MAP4K3: variants seen among roughly 807,000 people sequenced by gnomAD.
MAP4K3 encodes the protein mitogen-activated protein kinase kinase kinase kinase 3.
MAP4K3 carries 94 observed loss-of-function variants against 143.5 expected under a neutral mutation model. The observed-to-expected ratio is 0.65, with a 90% CI of 0.55 to 0.78. MAP4K3 has a LOEUF of 0.78. MAP4K3 is among the 30% of genes least tolerant of loss of function. The pLI is 0.00. For synonymous variants in MAP4K3, 416 were observed against 347.2 expected (o/e 1.20, Z -2.20); for missense variants, 1,077 against 1,068.1 (o/e 1.01, Z -0.12).
intron 1 of MAP4K3, among the ~76,000 whole-genome samples, chr2:39,410,215 G>A (rs1236338536): frequency 6.6e-6 from 1 of 152,118 alleles, no homozygotes; most frequent in African/African-American, 2.4e-5. Context: ...TTCTAGTTCA[G>A]CAACAGGCCA....
At chr2:39,355,898 C>T (rs1466204015) in intron 3 of MAP4K3, among the ~76,000 whole-genome samples, 1 of 152,118 alleles carries the variant, frequency 6.6e-6, no homozygotes, top group East Asian at 1.9e-4. Context: ...TTTTGATAAA[C>T]ACATAGCTGG....
intron 8 of MAP4K3, among the ~76,000 whole-genome samples, chr2:39,330,832 T>C (rs1225713840): frequency 3.3e-5 from 5 of 152,206 alleles, no homozygotes; most frequent in African/African-American, 1.2e-4. Context: ...AATGAAATTA[T>C]TAAAATCAGG....
rs1251750140 is a variant in MAP4K3 at position 39,309,450 on chromosome 2, A to T, written c.1056+11T>A. 1.3e-6 allele frequency: 2 copies of T among 1,569,598 alleles called. No homozygotes were observed. Among genetic ancestry groups the T allele is most frequent in the Non-Finnish European group, 1.7e-6 (2 of 1,153,166 alleles). On this transcript the variant is annotated intron_variant, in intron 14 of 33. Transcript: ENST00000263881. The stretch of plus-strand genomic sequence containing the variant: ...TTTTCAGTGCTAACATTCTAAGGCT[A>T]TACTACTTACAAGTTCATGATGTGG...
chr2:39,383,673 T>G (rs1666412186), intron 1 of MAP4K3, among the ~76,000 whole-genome samples: 1 of 152,036 alleles, frequency 6.6e-6, no homozygotes, highest in Admixed American at 6.6e-5. Flanking sequence ...CTTAAACAAC[T>G]GAACATTTAT....
chr2:39,278,993 TA>T (rs1216036952), intron 23 of MAP4K3, among the ~76,000 whole-genome samples: 2 of 152,212 alleles, frequency 1.3e-5, no homozygotes, highest in Non-Finnish European at 2.9e-5. Context: ...CAGTATCTTC[TA>T]AAAGATATGA....
At chr2:39,387,531 G>C (rs1666538315) in intron 1 of MAP4K3, among the ~76,000 whole-genome samples, 1 of 152,184 alleles carries the variant, frequency 6.6e-6, no homozygotes, top group Non-Finnish European at 1.5e-5. Flanking sequence ...TTTGAAACTG[G>C]AAATACTGAG....
At chr2:39,260,490 T>C (rs1261617440) in intron 29 of MAP4K3, 116 bp downstream of exon 29, 3 of 744,372 alleles carry the variant, frequency 4.0e-6, no homozygotes, top group African/African-American at 3.6e-5. Flanking sequence ...AGTTTAATAA[T>C]AGTTATTGAA....
intron 15 of MAP4K3, among the ~76,000 whole-genome samples, chr2:39,302,892 A>C (rs1299612667): frequency 1.3e-5 from 2 of 152,238 alleles, no homozygotes; most frequent in African/African-American, 4.8e-5. Flanking sequence ...TCAGCAGTTC[A>C]TTTTAGCGAA....
chr2:39,272,047 T>C (rs1681047619), intron 26 of MAP4K3: 4 of 347,560 alleles, frequency 1.2e-5, no homozygotes, highest in Non-Finnish European at 2.1e-5. Flanking sequence ...GTTTTAAACT[T>C]GCAGAAAAAG....
In MAP4K3 at chr2:39,392,183, C is replaced by CAAAAAAAAA. The variant is rs3086434; in HGVS notation, c.97-14069_97-14061dup. ...CTGGCAACAGAACGACACTCCTACT[C>CAAAAAAAAA]AAAAAAAAAAAAAAAAAAAAAATTA... On this transcript the variant is annotated intron_variant, in intron 1 of 33. Transcript: ENST00000263881. Among the ~76,000 whole-genome samples the CAAAAAAAAA allele has an allele frequency of 5.9e-3, 408 of 68,964 alleles. 21 individuals carry two copies. The highest frequency in any genetic ancestry group is 0.02 in the African/African-American group (356 of 17,398). The allele number at this position is 68,964 out of a possible 152,430, so 45.2% of individuals were successfully genotyped here.
At chr2:39,325,483 T>A in intron 12 of MAP4K3, 35 bp downstream of exon 12, 1 of 1,365,248 alleles carries the variant, frequency 7.3e-7, no homozygotes, top group East Asian at 2.3e-5. Flanking sequence ...CACATATACA[T>A]GTTATATATG....
At chr2:39,380,897 G>A (rs1415028124) in intron 1 of MAP4K3, among the ~76,000 whole-genome samples, 2 of 152,106 alleles carry the variant, frequency 1.3e-5, no homozygotes, top group African/African-American at 2.4e-5. Flanking sequence ...TCAGAGTTAT[G>A]TAACTATACT....
At chr2:39,383,911 C>G (rs1666418275) in intron 1 of MAP4K3, among the ~76,000 whole-genome samples, 1 of 151,978 alleles carries the variant, frequency 6.6e-6, no homozygotes. Flanking sequence ...TCAAGACCAG[C>G]CTGGGAAACA....
intron 1 of MAP4K3, among the ~76,000 whole-genome samples, chr2:39,415,746 GT>G (rs1667351796): frequency 6.6e-6 from 1 of 151,188 alleles, no homozygotes; most frequent in South Asian, 2.1e-4. Context: ...GAGGTCAGGA[GT>G]TCGAGACCAG....
At chr2:39,337,442 C>T in intron 5 of MAP4K3, 84 bp downstream of exon 5, 1 of 932,938 alleles carries the variant, frequency 1.1e-6, no homozygotes, top group Non-Finnish European at 1.7e-6. Flanking sequence ...ATATTTAGTT[C>T]TTACTTTGCT....
chr2:39,394,942 A>G (rs1418591438), intron 1 of MAP4K3, among the ~76,000 whole-genome samples: 1 of 152,230 alleles, frequency 6.6e-6, no homozygotes, highest in East Asian at 1.9e-4. Flanking sequence ...GACTCTAATT[A>G]TTCTTCCAGA....
At chr2:39,382,513 A>G (rs1666380199) in intron 1 of MAP4K3, among the ~76,000 whole-genome samples, 2 of 152,250 alleles carry the variant, frequency 1.3e-5, no homozygotes, top group Admixed American at 6.5e-5. Context: ...CCACAATTTA[A>G]TAACATGAAG....
chr2:39,314,276 C>T lies in MAP4K3; in HGVS notation c.997+1034G>A, dbSNP rs185914728. The stretch of plus-strand genomic sequence containing the variant: ...AACTCCTGGCCTCAAGTGATCCGCC[C>T]GCCTCGGCCTCCCAAAGTGCTGGGA... On this transcript the variant is annotated intron_variant, in intron 13 of 33. Transcript: ENST00000263881. 4.6e-5 allele frequency among the ~76,000 whole-genome samples: 7 copies of T among 152,186 alleles called. No individual in the cohort carries two copies. In the East Asian group the frequency reaches 9.7e-4, roughly 21 times the overall value.
At chr2:39,383,356 G>C (rs1666402051) in intron 1 of MAP4K3, among the ~76,000 whole-genome samples, 1 of 152,052 alleles carries the variant, frequency 6.6e-6, no homozygotes, top group Non-Finnish European at 1.5e-5. Context: ...AAAACCATCA[G>C]ATCTCATGAG....
Sources: allele counts gnomAD v4.1 joint callset (sites outside exome capture counted in the v4.1 genomes callset), GRCh38; gene constraint gnomAD v4.1.1; transcripts MANE v1.5; gene names NCBI Gene and HGNC (gene_info 2026-07-23, HGNC 2026-07-21).